Variants in ANKRD30B observed in about 807,000 individuals in gnomAD.
ANKRD30B encodes the protein ankyrin repeat domain 30B.
ANKRD30B carries 144 observed loss-of-function variants against 202.2 expected under a neutral mutation model. That is an observed-to-expected ratio of 0.71 (90% confidence interval 0.62 to 0.82). The LOEUF (loss-of-function observed/expected upper bound fraction) is 0.82. ANKRD30B is among the 40% of genes least tolerant of loss of function. The pLI, the probability that ANKRD30B is intolerant of heterozygous loss-of-function variation, is 0.00. For synonymous variants in ANKRD30B, 508 were observed against 561.3 expected, an observed-to-expected ratio of 0.91 and a Z score of 1.34; for missense variants, 1,487 against 1,669.1, an observed-to-expected ratio of 0.89 and a Z score of 1.90.
chr18:14,880,771 T>G, the ANKRD30B span, among the ~76,000 whole-genome samples: 1 of 152,168 alleles, frequency 6.6e-6, no homozygotes, highest in Non-Finnish European at 1.5e-5. Flanking sequence ...TAATTTTCAC[T>G]GTAGAGGTCT....
the ANKRD30B span, among the ~76,000 whole-genome samples, chr18:14,878,650 A>G: frequency 6.6e-6 from 1 of 152,204 alleles, no homozygotes; most frequent in African/African-American, 2.4e-5. Context: ...CGTTCCCTTT[A>G]TCCCAGCCCC....
At chr18:14,893,166 AC>A in the ANKRD30B span, among the ~76,000 whole-genome samples, 1 of 152,152 alleles carries the variant, frequency 6.6e-6, no homozygotes, top group African/African-American at 2.4e-5. Flanking sequence ...TACCTTATCA[AC>A]CCTATTTTCT....
rs1306409631 is a variant in ANKRD30B, at chr18:14,803,731, C to T, written c.2194-3C>T. The T allele has an allele frequency of 6.3e-6, 10 of 1,592,896 alleles. No homozygotes were observed. The highest frequency in any genetic ancestry group is 8.6e-6 in the Non-Finnish European group (10 of 1,169,290). ...AATTATTTATTGATATTACTTTTAA[C>T]AGAGTTTCCTTGAGACTCTCTTACA... On this transcript the variant is annotated splice_polypyrimidine_tract_variant and splice_region_variant and intron_variant, in intron 23 of 43. Transcript: ENST00000690538.
rs374285483 is a variant in ANKRD30B, at chr18:14,778,045, G to T, written c.1390G>T (p.Asp464Tyr). 3.9e-6 allele frequency: 6 copies of T among 1,548,366 alleles called. No individual in the cohort carries two copies. The African/African-American group carries it at 6.9e-5, about 18-fold the overall frequency. Residue 464 changes from aspartate to tyrosine, a missense_variant, in exon 10 of 44, where the codon GAT becomes TAT. Physicochemically the swap from Asp to Tyr is radical, Grantham distance 160 (BLOSUM62 -3). Coordinates refer to ENST00000690538, the MANE Select transcript of ANKRD30B (RefSeq NM_001367607.2). ...TCLPDATYQK[D>Y]IKTINHKIED... ...TTTACCTGATGCTACATATCAAAAAGATATCAAAACAATAAATCACAAAAT... is the reference window on the plus strand; with the variant it reads ...TTTACCTGATGCTACATATCAAAAATATATCAAAACAATAAATCACAAAAT...
At chr18:14,782,760 T>C (rs1967835765) in intron 12 of ANKRD30B, 146 bp downstream of exon 12, 3 of 504,680 alleles carry the variant, frequency 5.9e-6, no homozygotes, top group Non-Finnish European at 1.0e-5. Flanking sequence ...GTTATGTATC[T>C]TTTCAGGTGT....
At chr18:14,786,938 A>G (rs955915990) in intron 14 of ANKRD30B, 101 bp from the exon 15 acceptor site, 4 of 1,221,774 alleles carry the variant, frequency 3.3e-6, no homozygotes, top group Admixed American at 2.5e-5. Context: ...GCTACAGAGG[A>G]AAAACTACAG....
chr18:14,779,197 T>C lies in ANKRD30B; in HGVS notation c.1421-763T>C, dbSNP rs1379397511. On this transcript the variant is annotated intron_variant, in intron 10 of 43. Transcript: ENST00000690538. ...AGAATATTTCTGTTAAATGAATATA[T>C]TGATTTTCTGCCTCATGGCTCTCAG... Among the ~76,000 whole-genome samples, 8 of 152,214 alleles carry C rather than the reference T, an allele frequency of 5.3e-5. No homozygotes were observed. The East Asian group carries it at 1.5e-3, about 29-fold the overall frequency.
chr18:14,828,099 C>G (rs1176441184), intron 32 of ANKRD30B, among the ~76,000 whole-genome samples, 179 bp from the exon 33 acceptor site: 2 of 152,136 alleles, frequency 1.3e-5, no homozygotes, highest in Non-Finnish European at 2.9e-5. Flanking sequence ...AAGTTGAAGT[C>G]TTGCAATGTC....
intron 10 of ANKRD30B, among the ~76,000 whole-genome samples, chr18:14,779,513 C>A (rs1444413753): frequency 6.6e-6 from 1 of 152,038 alleles, no homozygotes; most frequent in African/African-American, 2.4e-5. Context: ...AAGTTAATTT[C>A]TTGAAGAATC....
the ANKRD30B span, among the ~76,000 whole-genome samples, chr18:14,909,539 C>A: frequency 1.3e-5 from 2 of 152,102 alleles, no homozygotes; most frequent in East Asian, 1.9e-4. Flanking sequence ...TCCCAAATAG[C>A]TGGGGTTACA....
At chr18:14,822,037 TGTA>T (rs200940172) in intron 30 of ANKRD30B, among the ~76,000 whole-genome samples, 2,755 of 152,158 alleles carry the variant, frequency 0.018, 84 homozygotes, top group African/African-American at 0.063. Flanking sequence ...AATAGCTACT[TGTA>T]GTATATTGAC....
At position 14,837,185 on chromosome 18, in the gene ANKRD30B, T is replaced by A. The variant is rs114257052; in HGVS notation, c.2848-26T>A. 2.5e-3 allele frequency: 3,651 copies of A among 1,481,182 alleles called. 67 individuals carry two copies. In the African/African-American group the frequency reaches 0.046, roughly 19 times the overall value. The allele number at this position is 1,481,182 out of a possible 1,614,324, so 91.8% of individuals were successfully genotyped here. ...TTTTCTGAAGTTTTTTTTTTGTGTTTGCTTTCTGTGTTTTGTTTGTAATAG... is the reference window on the plus strand; with the variant it reads ...TTTTCTGAAGTTTTTTTTTTGTGTTAGCTTTCTGTGTTTTGTTTGTAATAG... On this transcript the variant is annotated intron_variant, in intron 34 of 43. Transcript: ENST00000690538.
intron 37 of ANKRD30B, among the ~76,000 whole-genome samples, chr18:14,841,860 G>A (rs1971432672): frequency 6.6e-6 from 1 of 152,134 alleles, no homozygotes; most frequent in African/African-American, 2.4e-5. Flanking sequence ...GTAAACCATG[G>A]TGACTCATTA....
chr18:14,872,902 C>T, the ANKRD30B span, among the ~76,000 whole-genome samples: 1 of 152,104 alleles, frequency 6.6e-6, no homozygotes, highest in Non-Finnish European at 1.5e-5. Context: ...TCAGGCACCA[C>T]GCAGCCTTGC....
chr18:14,899,002 T>C, the ANKRD30B span, among the ~76,000 whole-genome samples: 1 of 152,190 alleles, frequency 6.6e-6, no homozygotes, highest in African/African-American at 2.4e-5. Flanking sequence ...GACAGAATAT[T>C]GTTCATTATT....
chr18:14,893,947 A>T, the ANKRD30B span, among the ~76,000 whole-genome samples: 3 of 151,202 alleles, frequency 2.0e-5, no homozygotes, highest in African/African-American at 7.3e-5. Context: ...ATAATGGTAG[A>T]GTTCAAAAAT....
At chr18:14,904,709 G>C in the ANKRD30B span, among the ~76,000 whole-genome samples, 1 of 152,176 alleles carries the variant, frequency 6.6e-6, no homozygotes, top group East Asian at 1.9e-4. Flanking sequence ...GAGTGACCAT[G>C]GTCAAGGGAA....
In ANKRD30B at chr18:14,764,049, C is replaced by A; in HGVS notation, c.1184C>A (p.Ala395Glu). The change falls in exon 7 of 44, where the codon GCA becomes GAA. Residue 395 changes from alanine (A) to glutamate (E), a missense_variant. By Grantham distance (107) the Ala-to-Glu change is moderately radical. This residue lies in a region of ANKRD30B where 889 missense variants were observed against 841.4 expected (regional missense o/e 1.06). Transcript: ENST00000690538. The stretch of plus-strand genomic sequence containing the variant: ...GAAAAAGGAACATCTAATATGATTG[C>A]ATGTCCTACAAAAGAAACATCTACA... ...VLEKGTSNMI[A>E]CPTKETSTKA... The A allele has an allele frequency of 6.4e-7, 1 of 1,551,696 alleles. No homozygotes were observed. Among genetic ancestry groups the A allele is most frequent in the Non-Finnish European group, 8.7e-7 (1 of 1,155,810 alleles).
chr18:14,892,962 T>G, the ANKRD30B span, among the ~76,000 whole-genome samples: 180 of 152,198 alleles, frequency 1.2e-3, no homozygotes, highest in African/African-American at 4.0e-3. Flanking sequence ...TGAACATTTT[T>G]AATCTTATCC....
Sources: gnomAD v4.1 joint callset for allele counts (sites outside exome capture counted in the v4.1 genomes callset) on GRCh38, gnomAD v4.1.1 for gene constraint, gnomAD v4.1.1 regional missense constraint, MANE v1.5 for transcripts, NCBI Gene and HGNC (gene_info 2026-07-23, HGNC 2026-07-21) for gene names.